The following SLC12A9 variants were observed in gnomAD, a reference collection of about 807,000 sequenced individuals.
The protein encoded by SLC12A9 is CCC-interacting protein 1.
In SLC12A9, 55 loss-of-function variants were observed where a neutral mutation model predicts 66.0. The ratio of observed to expected loss-of-function variants is 0.83; its 90% confidence interval spans 0.67 to 1.04. The LOEUF is 1.04. Ranked by LOEUF, SLC12A9 falls within the 50% of genes least tolerant of loss-of-function variation. The probability of loss-of-function intolerance (pLI) is 0.00; values close to 1 mark genes in which losing one functional copy is unlikely to be tolerated. For missense variants in SLC12A9, 1,061 were observed against 1,241.9 expected (o/e 0.85, Z 2.19); for synonymous variants, 577 against 569.0 (o/e 1.01, Z -0.20).
At chr7:100,833,932 C>CAAAAAA (rs60667059) in intron 1 of SLC12A9, among the ~76,000 whole-genome samples, 183 of 62,942 alleles carry the variant, frequency 2.9e-3, no homozygotes, top group African/African-American at 5.2e-3. Context: ...GACTCTGTCT[C>CAAAAAA]AAAAAAAAAA....
intron 9 of SLC12A9, chr7:100,860,510 A>G (rs1243183872): frequency 4.2e-6 from 2 of 472,518 alleles, no homozygotes; most frequent in African/African-American, 4.0e-5. Flanking sequence ...TTTTTGGGGT[A>G]TACTAGTATT....
Position 100,866,376 on chromosome 7 carries a change from C to A in SLC12A9, c.2516C>A (p.Ala839Asp). 6.6e-7 allele frequency: 1 copy of A among 1,523,246 alleles called. No individual in the cohort carries two copies. The highest frequency in any genetic ancestry group is 1.3e-5 in the South Asian group (1 of 79,928). The allele number at this position is 1,523,246 out of a possible 1,614,324, so 94.4% of individuals were successfully genotyped here. A position where few individuals can be genotyped will look rare whatever the true frequency, so the allele number is the denominator to read the frequency against. The part of the protein sequence containing the change: ...EAEALARSAN[A>D]LVRAQQGRGT... ...GAGGCCCTGGCACGCAGCGCCAACG[C>A]CCTGGTTCGGGCCCAGCAGGGGCGC... Residue 839 changes from alanine to aspartate, a missense_variant, in exon 14 of 14, where the codon GCC (alanine) becomes GAC (aspartate). Transcript: ENST00000354161. The surrounding 1 kb of genome is among the most constrained non-coding windows in gnomAD (Gnocchi z 7.3).
chr7:100,859,841 C>T (rs555952059), intron 7 of SLC12A9, 44 bp from the exon 8 acceptor site: 1 of 1,566,034 alleles, frequency 6.4e-7, no homozygotes, highest in East Asian at 2.3e-5. Flanking sequence ...TTTTCTTACC[C>T]CGTGACGCAT....
intron 3 of SLC12A9, chr7:100,855,298 T>TC: frequency 2.6e-5 from 1 of 39,214 alleles, no homozygotes; most frequent in Non-Finnish European, 4.3e-5. Flanking sequence ...AATTTTTAAA[T>TC]ATTTGTAGAG....
At chr7:100,836,403 A>G (rs564961770) in intron 1 of SLC12A9, among the ~76,000 whole-genome samples, 38 of 152,196 alleles carry the variant, frequency 2.5e-4, no homozygotes, top group African/African-American at 8.7e-4. Context: ...GAGATGACGC[A>G]GGGCCTCAGC....
At chr7:100,843,261 C>T (rs747359513) in intron 1 of SLC12A9, among the ~76,000 whole-genome samples, 1 of 152,292 alleles carries the variant, frequency 6.6e-6, no homozygotes, top group Middle Eastern at 3.4e-3. Context: ...TCTTTTGACT[C>T]TCATGTCTAT....
chr7:100,856,820 G>T (rs1187156366), intron 4 of SLC12A9, 48 bp from the exon 5 acceptor site: 1 of 1,509,184 alleles, frequency 6.6e-7, no homozygotes, highest in African/African-American at 1.4e-5. Context: ...CCGGCTGGTG[G>T]GGTGCCTTAG....
At chr7:100,833,495 CAAA>C (rs1197514471) in intron 1 of SLC12A9, among the ~76,000 whole-genome samples, 4 of 148,804 alleles carry the variant, frequency 2.7e-5, no homozygotes, top group African/African-American at 9.9e-5. Context: ...AAACAAAAAG[CAAA>C]AAAACAAAAC....
chr7:100,828,751 C>CATT (rs1813482006), intron 1 of SLC12A9, among the ~76,000 whole-genome samples: 1 of 151,964 alleles, frequency 6.6e-6, no homozygotes, highest in South Asian at 2.1e-4. Context: ...CTCCTGGGGG[C>CATT]CCTCGGGATG....
chr7:100,850,851 C>T (rs990459707), upstream of SLC12A9, among the ~76,000 whole-genome samples: 1 of 151,990 alleles, frequency 6.6e-6, no homozygotes, highest in African/African-American at 2.4e-5. Flanking sequence ...TCCCAAGTAG[C>T]TGGGATTACA....
chr7:100,839,561 ACT>A (rs1187612802), intron 1 of SLC12A9, among the ~76,000 whole-genome samples: 1 of 151,952 alleles, frequency 6.6e-6, no homozygotes, highest in Non-Finnish European at 1.5e-5. Context: ...CCTGCGGGCG[ACT>A]CTAACTAGCC....
chr7:100,854,224 G>T lies in SLC12A9; in HGVS notation c.27G>T (p.Leu9=). 6.3e-7 allele frequency: 1 copy of T among 1,574,876 alleles called. No homozygotes were observed. Among genetic ancestry groups the T allele is most frequent in the Non-Finnish European group, 8.5e-7 (1 of 1,169,926 alleles). The change falls in exon 2 of 14, where the codon CTG becomes CTT. Residue 9 remains leucine (L), a synonymous_variant. Coordinates refer to ENST00000354161, the MANE Select transcript of SLC12A9 (RefSeq NM_020246.4). ...TGGCCAGCGAGAGCTCACCTCTGCT[G>T]GCCTACCGGCTCCTGGGGGAGGAGG... The part of the protein sequence containing the change: MASESSPL[L]AYRLLGEEGV...
At chr7:100,828,535 G>A (rs1190584721) in intron 1 of SLC12A9, among the ~76,000 whole-genome samples, 1 of 124,558 alleles carries the variant, frequency 8.0e-6, no homozygotes, top group African/African-American at 3.1e-5. Context: ...CTGGGCTACA[G>A]AGTGAGACGA....
At chr7:100,846,332 C>T (rs1355653850) in intron 1 of SLC12A9, among the ~76,000 whole-genome samples, 1 of 151,920 alleles carries the variant, frequency 6.6e-6, no homozygotes, top group African/African-American at 2.4e-5. Context: ...TTTGGGAGGC[C>T]GAGGCGGGTG....
At chr7:100,827,261 C>T (rs1317194370) in intron 1 of SLC12A9, 2 of 162,780 alleles carry the variant, frequency 1.2e-5, no homozygotes, top group African/African-American at 4.8e-5. Context: ...GCAGTGGCCG[C>T]GCCGGGCGGG....
chr7:100,856,773 A>G lies in SLC12A9; in HGVS notation c.449-95A>G, dbSNP rs1032774051. ...GCAATCCTCCCACCTCGGCCTCCCA[A>G]AGTGCTGGAATTATAGATGTGAGCC... is the stretch of plus-strand genomic sequence containing the variant. On this transcript the variant is annotated intron_variant, in intron 4 of 13. Coordinates refer to ENST00000354161, the MANE Select transcript of SLC12A9 (RefSeq NM_020246.4). 1 of 1,276,124 alleles carries G rather than the reference A, an allele frequency of 7.8e-7. No individual in the cohort carries two copies. The highest frequency in any genetic ancestry group is 1.5e-5 in the African/African-American group (1 of 66,950). 79.1% of individuals were successfully genotyped at this position (1,276,124 alleles called of 1,614,324 possible). A position where few individuals can be genotyped will look rare whatever the true frequency, so the allele number is the denominator to read the frequency against.
At chr7:100,859,791 T>G in intron 7 of SLC12A9, 94 bp from the exon 8 acceptor site, 1 of 1,423,456 alleles carries the variant, frequency 7.0e-7, no homozygotes. Flanking sequence ...CTTTAGCACA[T>G]TTGATATCTG....
At chr7:100,849,089 G>T (rs1280886377), upstream of SLC12A9, among the ~76,000 whole-genome samples, 2 of 151,252 alleles carry the variant, frequency 1.3e-5, no homozygotes, top group Admixed American at 6.6e-5. Flanking sequence ...ACCAGGCCCA[G>T]CTAATTTTTG....
At position 100,854,381 on chromosome 7, in the gene SLC12A9, G is replaced by A. The variant is rs1383130543; in HGVS notation, c.181+3G>A. On this transcript the variant is annotated splice_donor_region_variant and intron_variant, in intron 2 of 13. Coordinates refer to ENST00000354161, the MANE Select transcript of SLC12A9 (RefSeq NM_020246.4). ...CATAGTTGTTTTTCTGAGGATTGGT[G>A]AGTGGGTCCTGGGGCGGGTGTGGAC... 1.2e-6 allele frequency: 2 copies of A among 1,613,230 alleles called. No individual in the cohort carries two copies. The highest frequency in any genetic ancestry group is 2.2e-5 in the South Asian group (2 of 90,984).
Sources: allele counts gnomAD v4.1 joint callset (sites outside exome capture counted in the v4.1 genomes callset), GRCh38; gene constraint gnomAD v4.1.1; non-coding constraint Gnocchi (gnomAD v3.1); transcripts MANE v1.5; gene names NCBI Gene and HGNC (gene_info 2026-07-23, HGNC 2026-07-21).